The following TENM4 variants were observed in gnomAD, a reference collection of about 807,000 sequenced individuals.
The protein encoded by TENM4 is teneurin transmembrane protein 4.
A neutral mutation model predicts 243.3 loss-of-function variants in TENM4; 82 were observed. The ratio of observed to expected loss-of-function variants is 0.34; its 90% CI spans 0.28 to 0.40. TENM4 has a LOEUF of 0.40. TENM4 is among the 10% of genes least tolerant of loss of function. TENM4 has a pLI of 1.00. For synonymous variants in TENM4, 1,412 were observed against 1,456.3 expected, an observed-to-expected ratio of 0.97 and a Z score of 0.69; for missense variants, 3,138 against 3,673.3, an observed-to-expected ratio of 0.85 and a Z score of 3.77.
At chr11:79,196,454 G>A (rs1863628987) in intron 3 of TENM4, among the ~76,000 whole-genome samples, 1 of 152,074 alleles carries the variant, frequency 6.6e-6, no homozygotes, top group Non-Finnish European at 1.5e-5. Flanking sequence ...AGCACTGACT[G>A]GTTCTATGTC....
intron 6 of TENM4, among the ~76,000 whole-genome samples, chr11:78,928,196 C>T (rs568129190): frequency 5.9e-5 from 9 of 152,206 alleles, no homozygotes; most frequent in Non-Finnish European, 1.0e-4. Context: ...TGGGGGTCCC[C>T]GCTCTGACTA....
At chr11:79,267,910 G>A (rs1855908067) in intron 2 of TENM4, among the ~76,000 whole-genome samples, 1 of 152,194 alleles carries the variant, frequency 6.6e-6, no homozygotes, top group Non-Finnish European at 1.5e-5. Context: ...GTTTTTGACT[G>A]TGCCAAAACA....
chr11:78,701,440 A>C, intron 28 of TENM4, 86 bp downstream of exon 28: 1 of 1,429,674 alleles, frequency 7.0e-7, no homozygotes. Context: ...ATCCTGAATT[A>C]AAATAAAATA....
At chr11:78,702,883 TAGG>T (rs1426035326) in intron 27 of TENM4, among the ~76,000 whole-genome samples, 1 of 152,120 alleles carries the variant, frequency 6.6e-6, no homozygotes, top group East Asian at 1.9e-4. Context: ...GAGGCTGAAG[TAGG>T]AGTTGTTCAG....
intron 5 of TENM4, among the ~76,000 whole-genome samples, chr11:79,066,564 A>G (rs987435607): frequency 3.9e-5 from 6 of 152,184 alleles, no homozygotes; most frequent in African/African-American, 1.2e-4. Context: ...ACACACACAG[A>G]CGTGCACGCG....
At chr11:79,014,290 C>T (rs1858718451) in intron 6 of TENM4, among the ~76,000 whole-genome samples, 1 of 152,156 alleles carries the variant, frequency 6.6e-6, no homozygotes, top group Non-Finnish European at 1.5e-5. Flanking sequence ...ACAGCCAGTT[C>T]CCTCTTCCTC....
At chr11:79,395,567 C>T (rs1002704852) in intron 1 of TENM4, among the ~76,000 whole-genome samples, 7 of 152,320 alleles carry the variant, frequency 4.6e-5, no homozygotes, top group Admixed American at 2.6e-4. Context: ...TTGACAAATT[C>T]GCCCAAGTTC....
intron 6 of TENM4, among the ~76,000 whole-genome samples, chr11:78,954,383 A>C (rs1857166867): frequency 6.6e-6 from 1 of 152,248 alleles, no homozygotes; most frequent in South Asian, 2.1e-4. Flanking sequence ...TGTGTACCCA[A>C]GGGATGTGAT....
intron 4 of TENM4, among the ~76,000 whole-genome samples, chr11:79,136,645 A>T (rs969369159): frequency 6.6e-6 from 1 of 152,172 alleles, no homozygotes; most frequent in Non-Finnish European, 1.5e-5. Context: ...TCACTGGAAC[A>T]GATACTTGCT....
intron 6 of TENM4, among the ~76,000 whole-genome samples, chr11:79,028,333 G>T (rs1859135789): frequency 6.6e-6 from 1 of 152,196 alleles, no homozygotes; most frequent in Admixed American, 6.5e-5. Flanking sequence ...CAGCTTCCCT[G>T]GGAAATAAAC....
At chr11:79,243,457 C>T (rs1855460489) in intron 2 of TENM4, among the ~76,000 whole-genome samples, 1 of 152,040 alleles carries the variant, frequency 6.6e-6, no homozygotes, top group African/African-American at 2.4e-5. Context: ...TTTAAACAAA[C>T]AAACAAAAAA....
At chr11:79,093,826 TA>T (rs1219861213) in intron 4 of TENM4, 1 of 152,196 alleles carries the variant, frequency 6.6e-6, no homozygotes, top group Non-Finnish European at 1.5e-5. Flanking sequence ...AAACACTAAA[TA>T]AGACTTGCCC....
intron 9 of TENM4, among the ~76,000 whole-genome samples, chr11:78,864,433 CAAAAAAAAAAAAAAA>C (rs145489804): frequency 2.2e-4 from 8 of 36,206 alleles, no homozygotes; most frequent in South Asian, 1.2e-3. Context: ...GACTCCGTCT[CAAAAAAAAAAAAAAA>C]AAAAAAAAAA....
chr11:79,436,538 C>G (rs1859274400), intron 1 of TENM4, among the ~76,000 whole-genome samples: 2 of 152,160 alleles, frequency 1.3e-5, no homozygotes, highest in African/African-American at 4.8e-5. Flanking sequence ...GAGACTATAC[C>G]AAATAGAATC....
rs148458844 is a variant in TENM4 at position 79,025,563 on chromosome 11, T to C, written c.493+39175A>G. ...TCATTTAGCCTTTGGCAAGGATAGA[T>C]ACTCTGTGGTAGGTATTATTATTAT... On this transcript the variant is annotated intron_variant, in intron 6 of 33. Transcript: ENST00000278550. 4.8e-3 allele frequency among the ~76,000 whole-genome samples: 738 copies of C among 152,230 alleles called. 3 individuals carry two copies. The highest frequency in any genetic ancestry group is 0.017 in the African/African-American group (715 of 41,546).
intron 12 of TENM4, among the ~76,000 whole-genome samples, chr11:78,840,133 A>G (rs1178064028): frequency 6.6e-6 from 1 of 152,242 alleles, no homozygotes; most frequent in Non-Finnish European, 1.5e-5. Flanking sequence ...AGAAAGAGAT[A>G]ATGGTAGAAC....
chr11:78,924,135 G>A (rs142969496), intron 6 of TENM4, among the ~76,000 whole-genome samples: 69 of 152,252 alleles, frequency 4.5e-4, no homozygotes, highest in African/African-American at 1.3e-3. Context: ...GATTACAGGC[G>A]TGAGCCACCA....
At chr11:78,998,034 C>T (rs1040895981) in intron 6 of TENM4, among the ~76,000 whole-genome samples, 1 of 152,178 alleles carries the variant, frequency 6.6e-6, no homozygotes, top group Non-Finnish European at 1.5e-5. Context: ...TCACCAAAAA[C>T]CAAATCTGCT....
At chr11:79,288,290 A>G (rs1856292500) in intron 2 of TENM4, among the ~76,000 whole-genome samples, 1 of 152,238 alleles carries the variant, frequency 6.6e-6, no homozygotes, top group African/African-American at 2.4e-5. Flanking sequence ...TACCACTGGA[A>G]TATCTTCAGA....
Sources: gnomAD v4.1 joint callset for allele counts (sites outside exome capture counted in the v4.1 genomes callset) on GRCh38, gnomAD v4.1.1 for gene constraint, MANE v1.5 for transcripts, NCBI Gene and HGNC (gene_info 2026-07-23, HGNC 2026-07-21) for gene names.